The following PREX2 variants were observed in gnomAD, a reference collection of about 807,000 sequenced individuals.
PREX2 encodes phosphatidylinositol-3,4,5-trisphosphate dependent Rac exchange factor 2, also known as phosphatidylinositol 3,4,5-trisphosphate-dependent Rac exchanger 2 protein.
Under a neutral mutation model 203.2 loss-of-function variants are expected in PREX2, and 107 were observed. The ratio of observed to expected loss-of-function variants is 0.53; its 90% CI spans 0.45 to 0.62. PREX2 has a LOEUF of 0.62. PREX2 is among the 20% of genes least tolerant of loss of function. The probability of loss-of-function intolerance (pLI) is 0.00; values close to 1 mark genes in which losing one functional copy is unlikely to be tolerated. For missense variants in PREX2, 1,777 were observed against 1,955.9 expected, an observed-to-expected ratio of 0.91 and a Z score of 1.72; for synonymous variants, 672 against 663.6, an observed-to-expected ratio of 1.01 and a Z score of -0.19.
intron 24 of PREX2, among the ~76,000 whole-genome samples, chr8:68,108,753 A>G (rs1406079358): frequency 1.3e-5 from 2 of 152,152 alleles, no homozygotes; most frequent in Non-Finnish European, 2.9e-5. Context: ...ACGGGCTCTA[A>G]TTTCTGAACT....
chr8:68,093,458 A>G (rs1009540103), intron 20 of PREX2, 147 bp from the exon 21 acceptor site: 2 of 455,414 alleles, frequency 4.4e-6, no homozygotes, highest in African/African-American at 4.1e-5. Flanking sequence ...TTGAGTTTTT[A>G]TTAGTTTCTG....
chr8:68,011,432 T>TAA (rs11387261), intron 1 of PREX2, among the ~76,000 whole-genome samples: 52 of 150,944 alleles, frequency 3.4e-4, no homozygotes, highest in African/African-American at 8.5e-4. Flanking sequence ...GCTTTGTATT[T>TAA]AAAAAAAAAC....
At position 68,031,216 on chromosome 8, in the gene PREX2, A is replaced by G. The variant is rs58520134; in HGVS notation, c.705+558A>G. Among the ~76,000 whole-genome samples, 771 of 152,256 alleles carry G rather than the reference A, an allele frequency of 5.1e-3. 6 individuals are homozygous for G. The highest frequency in any genetic ancestry group is 0.017 in the African/African-American group (727 of 41,554). On this transcript the variant is annotated intron_variant, in intron 6 of 39. Transcript: ENST00000288368. ...AAAGAGTATAGTTCAAAATCTGTAAAATGTTTTCAGCTAATGGTAACTTTG... is the reference window on the plus strand; with the variant it reads ...AAAGAGTATAGTTCAAAATCTGTAAGATGTTTTCAGCTAATGGTAACTTTG...
chr8:68,080,645 C>A (rs1015885852), intron 16 of PREX2, 60 bp downstream of exon 16: 1 of 1,479,008 alleles, frequency 6.8e-7, no homozygotes, highest in Non-Finnish European at 9.3e-7. Flanking sequence ...CAGAAGACTG[C>A]GTTAAACATG....
At chr8:68,204,678 CTTTTTT>C (rs1192583427) in intron 37 of PREX2, among the ~76,000 whole-genome samples, 11 of 83,400 alleles carry the variant, frequency 1.3e-4, no homozygotes, top group East Asian at 8.5e-4. Context: ...TTTCTTCTTT[CTTTTTT>C]TTTTTTTTTT....
chr8:68,083,687 A>G (rs1300001288), intron 18 of PREX2, among the ~76,000 whole-genome samples: 2 of 152,200 alleles, frequency 1.3e-5, no homozygotes, highest in East Asian at 3.8e-4. Context: ...CTAGTAGAAC[A>G]TTTGAGAATA....
rs1809231734 is a variant in PREX2, at chr8:68,072,626, G to A, written c.1569+56G>A. On this transcript the variant is annotated intron_variant, in intron 14 of 39. Coordinates refer to ENST00000288368, the MANE Select transcript of PREX2 (RefSeq NM_024870.4). ...CACTTGCTGCTGCTTTAAACTCTGA[G>A]TGTGTGAATTAGGACCTTTATTCTT... The A allele has an allele frequency of 5.2e-6, 5 of 955,214 alleles. No homozygotes were observed. The South Asian group carries it at 6.7e-5, about 13-fold the overall frequency. 59.2% of individuals were successfully genotyped at this position (955,214 alleles called of 1,614,324 possible).
chr8:67,990,089 G>A (rs1806553345), intron 1 of PREX2, among the ~76,000 whole-genome samples: 2 of 151,984 alleles, frequency 1.3e-5, no homozygotes. Flanking sequence ...GGGTTAAAGC[G>A]AGTCTTGTGC....
At chr8:68,175,757 C>T (rs1314734565) in intron 35 of PREX2, among the ~76,000 whole-genome samples, 1 of 151,946 alleles carries the variant, frequency 6.6e-6, no homozygotes, top group Non-Finnish European at 1.5e-5. Flanking sequence ...CATCAAAATG[C>T]ATTAGCAGCC....
intron 8 of PREX2, among the ~76,000 whole-genome samples, chr8:68,048,671 T>C (rs1220624803): frequency 1.3e-5 from 2 of 152,072 alleles, no homozygotes; most frequent in African/African-American, 4.8e-5. Flanking sequence ...AATAATGTCA[T>C]ACAAAGGCAA....
At chr8:68,174,842 G>C (rs1281755244) in intron 35 of PREX2, among the ~76,000 whole-genome samples, 1 of 152,162 alleles carries the variant, frequency 6.6e-6, no homozygotes, top group Non-Finnish European at 1.5e-5. Context: ...ACAGAGGCAG[G>C]TTCTTGACTC....
At chr8:68,051,244 G>A (rs1808519616) in intron 8 of PREX2, among the ~76,000 whole-genome samples, 1 of 152,076 alleles carries the variant, frequency 6.6e-6, no homozygotes, top group Non-Finnish European at 1.5e-5. Flanking sequence ...CTGTGGGAGG[G>A]CTACACTGTG....
intron 25 of PREX2, among the ~76,000 whole-genome samples, chr8:68,115,029 T>C (rs867721829): frequency 0.074 from 10,299 of 138,868 alleles, 485 homozygotes; most frequent in Admixed American, 0.11. Flanking sequence ...TTCTTTTTTT[T>C]TTTTTTTTTT....
chr8:68,003,562 G>C (rs1289684431), intron 1 of PREX2, among the ~76,000 whole-genome samples: 2 of 152,116 alleles, frequency 1.3e-5, no homozygotes, highest in African/African-American at 4.8e-5. Context: ...TAAGTTACTT[G>C]CTGTAATTAG....
chr8:68,205,796 C>T (rs1812612577), intron 37 of PREX2, among the ~76,000 whole-genome samples: 1 of 152,166 alleles, frequency 6.6e-6, no homozygotes, highest in African/African-American at 2.4e-5. Context: ...GCATTTTATG[C>T]AGAAAAACGC....
At chr8:68,024,409 C>T (rs1807655626) in intron 4 of PREX2, among the ~76,000 whole-genome samples, 1 of 151,912 alleles carries the variant, frequency 6.6e-6, no homozygotes, top group African/African-American at 2.4e-5. Context: ...TTCTGTTTAT[C>T]ATCATGAAAT....
chr8:68,147,634 C>G (rs1324309419), intron 34 of PREX2, among the ~76,000 whole-genome samples: 1 of 152,160 alleles, frequency 6.6e-6, no homozygotes, highest in Non-Finnish European at 1.5e-5. Context: ...TTGGATATGT[C>G]TTTATCAGCA....
At chr8:68,091,905 T>C (rs1448570143) in intron 20 of PREX2, among the ~76,000 whole-genome samples, 1 of 152,186 alleles carries the variant, frequency 6.6e-6, no homozygotes, top group Admixed American at 6.5e-5. Flanking sequence ...CTCTACCAGA[T>C]ATCCATTGCC....
At chr8:68,180,484 G>GT (rs1200632149) in intron 35 of PREX2, among the ~76,000 whole-genome samples, 2 of 152,154 alleles carry the variant, frequency 1.3e-5, no homozygotes, top group East Asian at 3.9e-4. Context: ...AGAGTTATGA[G>GT]TTTACAGATT....
Sources: allele counts gnomAD v4.1 joint callset (sites outside exome capture counted in the v4.1 genomes callset), GRCh38; gene constraint gnomAD v4.1.1; transcripts MANE v1.5; gene names NCBI Gene and HGNC (gene_info 2026-07-23, HGNC 2026-07-21).